The following AMMECR1 variants were observed in gnomAD, a reference collection of about 807,000 sequenced individuals.
The protein encoded by AMMECR1 is AMMECR nuclear protein 1, also known as nuclear protein AMMECR1.
Under a neutral mutation model 22.5 loss-of-function variants are expected in AMMECR1, and 3 were observed. That is an observed-to-expected ratio of 0.13 (90% confidence interval 0.06 to 0.35). The LOEUF is 0.35. Ranked by LOEUF, AMMECR1 falls within the 10% of genes least tolerant of loss-of-function variation. AMMECR1 has a pLI of 1.00. For synonymous variants in AMMECR1, 130 were observed against 116.7 expected (o/e 1.11, Z -0.74); for missense variants, 235 against 278.7 (o/e 0.84, Z 1.12).
At chrX:110,371,153 A>G (rs769537044) in intron 2 of AMMECR1, among the ~76,000 whole-genome samples, 14 of 111,571 alleles carry the variant, frequency 1.3e-4, no homozygotes, top group Non-Finnish European at 3.8e-5. Context: ...AGAGGAACAT[A>G]CAGAGAGTTC....
intron 2 of AMMECR1, among the ~76,000 whole-genome samples, chrX:110,371,394 G>A (rs768060763): frequency 9.0e-6 from 1 of 111,643 alleles, no homozygotes; most frequent in African/African-American, 3.3e-5. Context: ...TCACTGAGTC[G>A]CAAACAATCC....
intron 2 of AMMECR1, among the ~76,000 whole-genome samples, chrX:110,403,308 A>G (rs762607870): frequency 8.9e-6 from 1 of 112,293 alleles, no homozygotes; most frequent in African/African-American, 3.2e-5. Context: ...GAAAACAATA[A>G]CAAAACCCAT....
intron 1 of AMMECR1, among the ~76,000 whole-genome samples, chrX:110,431,521 C>T (rs1016105849): frequency 9.2e-6 from 1 of 108,874 alleles, no homozygotes; most frequent in African/African-American, 3.3e-5. Flanking sequence ...AATTAGAAGC[C>T]CACATTAGGC....
chrX:110,354,837 C>G (rs982607118), intron 2 of AMMECR1, among the ~76,000 whole-genome samples: 1 of 111,640 alleles, frequency 9.0e-6, no homozygotes, highest in East Asian at 2.8e-4. Context: ...CTCACCAATT[C>G]GAAATAAATA....
chrX:110,399,499 T>A (rs2068550160), intron 2 of AMMECR1, among the ~76,000 whole-genome samples: 2 of 112,418 alleles, frequency 1.8e-5, no homozygotes, highest in Admixed American at 9.4e-5. Flanking sequence ...AAAATCATTT[T>A]TGTTCTTACT....
chrX:110,267,992 C>T lies in AMMECR1; in HGVS notation c.474-3393G>A, dbSNP rs141176033. Among the ~76,000 whole-genome samples, 671 of 112,182 alleles carry T rather than the reference C, an allele frequency of 6.0e-3. 5 individuals are homozygous for T. Among genetic ancestry groups the T allele is most frequent in the African/African-American group, 0.021 (634 of 30,845 alleles). Reference sequence around the variant, plus strand: ...TTGCTGGAGGACAAGCTGCATTTTACAAGGCAGCCTGAGGAGCAAAGATGC... The same window carrying T: ...TTGCTGGAGGACAAGCTGCATTTTATAAGGCAGCCTGAGGAGCAAAGATGC... On this transcript the variant is annotated intron_variant, in intron 1 of 5. Transcript: ENST00000262844.
intron 3 of AMMECR1, among the ~76,000 whole-genome samples, chrX:110,209,859 A>G (rs2067438746): frequency 9.3e-6 from 1 of 107,851 alleles, no homozygotes; most frequent in African/African-American, 3.5e-5. Flanking sequence ...CATTCTTTTA[A>G]TTAAATGCTG....
chrX:110,303,200 G>C (rs1424886898), intron 1 of AMMECR1, among the ~76,000 whole-genome samples: 1 of 111,592 alleles, frequency 9.0e-6, no homozygotes, highest in Admixed American at 9.5e-5. Context: ...CAGAAGCAAA[G>C]GTTCTATGTG....
At chrX:110,331,428 G>A (rs2068120318) in intron 2 of AMMECR1, among the ~76,000 whole-genome samples, 2 of 108,765 alleles carry the variant, frequency 1.8e-5, no homozygotes, top group Non-Finnish European at 3.8e-5. Flanking sequence ...GGCCTTCTTA[G>A]GTATTCCCTA....
intron 2 of AMMECR1, among the ~76,000 whole-genome samples, chrX:110,233,099 A>G (rs1019098816): frequency 1.8e-5 from 2 of 109,607 alleles, no homozygotes; most frequent in Non-Finnish European, 3.8e-5. Flanking sequence ...CAAGACTAAT[A>G]AGAAGAGAGA....
At chrX:110,275,569 G>T (rs1387521743) in intron 1 of AMMECR1, among the ~76,000 whole-genome samples, 1 of 111,070 alleles carries the variant, frequency 9.0e-6, no homozygotes, top group African/African-American at 3.3e-5. Context: ...GGTGGCTCAC[G>T]CCTGTAATCC....
At chrX:110,218,858 G>A (rs2067487059) in intron 2 of AMMECR1, among the ~76,000 whole-genome samples, 1 of 111,380 alleles carries the variant, frequency 9.0e-6, no homozygotes, top group African/African-American at 3.3e-5. Context: ...CTATGGATTT[G>A]CCTATTCTGG....
intron 2 of AMMECR1, among the ~76,000 whole-genome samples, chrX:110,346,433 A>T (rs1253323595): frequency 8.9e-6 from 1 of 112,470 alleles, no homozygotes; most frequent in East Asian, 2.8e-4. Context: ...AGTTTTCACT[A>T]ATATGATATT....
At chrX:110,279,893 AATAAG>A (rs2067844089) in intron 1 of AMMECR1, among the ~76,000 whole-genome samples, 1 of 111,889 alleles carries the variant, frequency 8.9e-6, no homozygotes, top group South Asian at 3.7e-4. Context: ...TTTATCTGAA[AATAAG>A]ATAAAACCCT....
chrX:110,382,326 G>GA (rs367625900), intron 2 of AMMECR1, among the ~76,000 whole-genome samples: 2,047 of 105,425 alleles, frequency 0.019, 49 homozygotes, highest in African/African-American at 0.066. Flanking sequence ...AATTGTACAG[G>GA]AAAAAAAAAA....
chrX:110,359,590 T>C (rs1256408296), intron 2 of AMMECR1, among the ~76,000 whole-genome samples: 1 of 111,682 alleles, frequency 9.0e-6, no homozygotes, highest in African/African-American at 3.3e-5. Flanking sequence ...AATGTTCTTG[T>C]CCATTGCACC....
chrX:110,204,877 G>A (rs1302596172), intron 3 of AMMECR1, among the ~76,000 whole-genome samples: 3 of 111,275 alleles, frequency 2.7e-5, no homozygotes, highest in Non-Finnish European at 5.7e-5. Flanking sequence ...AATTTGATAA[G>A]AAAAAAACCC....
chrX:110,342,692 T>C (rs1472162410), intron 2 of AMMECR1, among the ~76,000 whole-genome samples: 2 of 112,066 alleles, frequency 1.8e-5, no homozygotes, highest in African/African-American at 3.2e-5. Flanking sequence ...TCTAGATGAT[T>C]GAATAACAAT....
intron 1 of AMMECR1, among the ~76,000 whole-genome samples, chrX:110,277,056 TA>T (rs1453348809): frequency 9.0e-6 from 1 of 111,103 alleles, no homozygotes; most frequent in Non-Finnish European, 1.9e-5. Flanking sequence ...GCCCGATGTC[TA>T]AAAACAGTTG....
Sources: allele counts gnomAD v4.1 joint callset (sites outside exome capture counted in the v4.1 genomes callset), GRCh38; gene constraint gnomAD v4.1.1; transcripts MANE v1.5; gene names NCBI Gene and HGNC (gene_info 2026-07-23, HGNC 2026-07-21).